Variants in MSRA observed in about 807,000 individuals in gnomAD.
MSRA encodes mitochondrial peptide methionine sulfoxide reductase.
MSRA carries 54 observed loss-of-function variants against 31.3 expected under a neutral mutation model. The ratio of observed to expected loss-of-function variants is 1.73; its 90% CI spans 1.39 to 2.17. The LOEUF (loss-of-function observed/expected upper bound fraction) is 2.17. MSRA is among the 30% of genes most tolerant of loss of function. The pLI, the probability that MSRA is intolerant of heterozygous loss-of-function variation, is 0.00. For synonymous variants in MSRA, 169 were observed against 116.5 expected (o/e 1.45, Z -2.90); for missense variants, 507 against 300.9 (o/e 1.69, Z -5.07).
At chr8:10,167,880 C>G (rs960515000) in intron 1 of MSRA, among the ~76,000 whole-genome samples, 14 of 152,194 alleles carry the variant, frequency 9.2e-5, no homozygotes, top group African/African-American at 3.4e-4. Flanking sequence ...AACATTGCCA[C>G]TGCCCTAGAA....
At chr8:10,269,167 T>G (rs1035656489) in intron 3 of MSRA, among the ~76,000 whole-genome samples, 1 of 152,218 alleles carries the variant, frequency 6.6e-6, no homozygotes, top group South Asian at 2.1e-4. Context: ...GCTCAGATAA[T>G]GGGCAAGAGT....
intron 5 of MSRA, among the ~76,000 whole-genome samples, chr8:10,342,655 G>A (rs1206656628): frequency 2.0e-5 from 3 of 152,186 alleles, no homozygotes; most frequent in African/African-American, 7.2e-5. Context: ...TCTTAGGGAA[G>A]GCCTCCGAGT....
Position 10,428,050 on chromosome 8 carries a change from C to T in MSRA, c.544-98C>T, listed in dbSNP as rs551610003. 1.9e-5 allele frequency: 26 copies of T among 1,339,322 alleles called. No individual in the cohort carries two copies. In the African/African-American group the frequency reaches 2.1e-4, roughly 11 times the overall value. 83.0% of individuals were successfully genotyped at this position (1,339,322 alleles called of 1,614,324 possible). A position where few individuals can be genotyped will look rare whatever the true frequency, so the allele number is the denominator to read the frequency against. On this transcript the variant is annotated intron_variant, in intron 5 of 5. Coordinates refer to ENST00000317173, the MANE Select transcript of MSRA (RefSeq NM_012331.5). ...GGGACCCACTGCACATCCCAAGCCA[C>T]GCGTCTGCTCACTGCAGCCCTGGCC...
At chr8:10,256,390 G>A (rs1486599384) in intron 3 of MSRA, among the ~76,000 whole-genome samples, 1 of 152,132 alleles carries the variant, frequency 6.6e-6, no homozygotes, top group African/African-American at 2.4e-5. Flanking sequence ...TATCTTGGAT[G>A]TCTCCAAGTT....
At chr8:10,242,413 G>A (rs778023890) in intron 2 of MSRA, among the ~76,000 whole-genome samples, 5 of 152,136 alleles carry the variant, frequency 3.3e-5, no homozygotes, top group Non-Finnish European at 7.4e-5. Flanking sequence ...TGCTTTTTGG[G>A]CTATAAGGTT....
At chr8:10,131,809 A>G (rs950119527) in intron 1 of MSRA, among the ~76,000 whole-genome samples, 1 of 152,208 alleles carries the variant, frequency 6.6e-6, no homozygotes, top group Non-Finnish European at 1.5e-5. Context: ...CCAGAAACAC[A>G]CAGGAGGGAA....
intron 1 of MSRA, among the ~76,000 whole-genome samples, chr8:10,148,542 G>C (rs1220803641): frequency 6.6e-6 from 1 of 151,890 alleles, no homozygotes; most frequent in Non-Finnish European, 1.5e-5. Flanking sequence ...AGCCGCTTGG[G>C]AGTCTGAGGC....
intron 1 of MSRA, among the ~76,000 whole-genome samples, chr8:10,174,888 C>T (rs772660504): frequency 1.3e-5 from 2 of 152,094 alleles, no homozygotes; most frequent in South Asian, 4.1e-4. Flanking sequence ...TGGTGTCTGT[C>T]AATAGATCTC....
chr8:10,096,023 C>A, intron 1 of MSRA: 1 of 1,454,190 alleles, frequency 6.9e-7, no homozygotes, highest in African/African-American at 1.4e-5. Flanking sequence ...AGAAAGACAT[C>A]CTTCGGAATG....
At chr8:10,073,779 G>A (rs1462371924) in intron 1 of MSRA, among the ~76,000 whole-genome samples, 1 of 151,868 alleles carries the variant, frequency 6.6e-6, no homozygotes, top group Non-Finnish European at 1.5e-5. Flanking sequence ...TAGCATTTGG[G>A]GTAGTTCTAA....
chr8:10,426,400 C>A (rs1388466428), intron 5 of MSRA, among the ~76,000 whole-genome samples: 1 of 152,264 alleles, frequency 6.6e-6, no homozygotes, highest in African/African-American at 2.4e-5. Flanking sequence ...CAAGAAGTTA[C>A]TGAAATTGCC....
intron 1 of MSRA, among the ~76,000 whole-genome samples, chr8:10,056,318 C>T (rs1026329437): frequency 4.0e-5 from 6 of 151,854 alleles, no homozygotes; most frequent in African/African-American, 1.5e-4. Flanking sequence ...CCAAAGTCTT[C>T]CCAATCAGTT....
At chr8:10,228,512 T>C (rs1455904002) in intron 2 of MSRA, among the ~76,000 whole-genome samples, 1 of 152,218 alleles carries the variant, frequency 6.6e-6, no homozygotes, top group Non-Finnish European at 1.5e-5. Flanking sequence ...TAATGAATAA[T>C]TTGATCCCAC....
Position 10,270,793 on chromosome 8 carries a change from C to T in MSRA, c.331+25570C>T, listed in dbSNP as rs117675382. Among the ~76,000 whole-genome samples, 30 of 152,326 alleles carry T rather than the reference C, an allele frequency of 2.0e-4. No homozygotes were observed. In the East Asian group the frequency reaches 2.3e-3, roughly 12 times the overall value. Reference sequence around the variant, plus strand: ...TTTAGGAAAGCTGTGATTCCAAGATCTTCGGGCTTTTCTTCAAAAGAAGAG... The same window carrying T: ...TTTAGGAAAGCTGTGATTCCAAGATTTTCGGGCTTTTCTTCAAAAGAAGAG... On this transcript the variant is annotated intron_variant, in intron 3 of 5. Coordinates refer to ENST00000317173, the MANE Select transcript of MSRA (RefSeq NM_012331.5).
At chr8:10,163,643 G>T (rs540431995) in intron 1 of MSRA, among the ~76,000 whole-genome samples, 1 of 152,248 alleles carries the variant, frequency 6.6e-6, no homozygotes, top group African/African-American at 2.4e-5. Flanking sequence ...GTATGGCATT[G>T]GGTGGAAACA....
At chr8:10,176,958 T>C (rs1055027670) in intron 1 of MSRA, among the ~76,000 whole-genome samples, 1 of 152,214 alleles carries the variant, frequency 6.6e-6, no homozygotes, top group Non-Finnish European at 1.5e-5. Context: ...TGGAGACATA[T>C]TGATGGGGGC....
chr8:10,180,028 A>G (rs1329660133), intron 1 of MSRA, among the ~76,000 whole-genome samples: 1 of 152,126 alleles, frequency 6.6e-6, no homozygotes, highest in East Asian at 1.9e-4. Context: ...ATTCAATTCA[A>G]TTCTGGCATT....
chr8:10,111,494 CT>C (rs1445181588), intron 1 of MSRA, among the ~76,000 whole-genome samples: 1 of 152,126 alleles, frequency 6.6e-6, no homozygotes, highest in Admixed American at 6.6e-5. Context: ...GATCTTTTCC[CT>C]TCTTCACTCC....
intron 3 of MSRA, among the ~76,000 whole-genome samples, chr8:10,275,827 C>A (rs572968880): frequency 6.6e-6 from 1 of 152,326 alleles, no homozygotes; most frequent in South Asian, 2.1e-4. Flanking sequence ...CAACATCACA[C>A]AGACAAAGAG....
Sources: allele counts gnomAD v4.1 joint callset (sites outside exome capture counted in the v4.1 genomes callset), GRCh38; gene constraint gnomAD v4.1.1; transcripts MANE v1.5; gene names NCBI Gene and HGNC (gene_info 2026-07-23, HGNC 2026-07-21).